The following DOCK4 variants were observed in gnomAD, a reference collection of about 807,000 sequenced individuals.
DOCK4 encodes the protein dedicator of cytokinesis 4.
A neutral mutation model predicts 268.1 loss-of-function variants in DOCK4; 97 were observed. The ratio of observed to expected loss-of-function variants is 0.36; its 90% CI spans 0.31 to 0.43. The LOEUF is 0.43. DOCK4 is among the 20% of genes least tolerant of loss of function. DOCK4 has a pLI of 1.00. For synonymous variants in DOCK4, 954 were observed against 887.2 expected (o/e 1.08, Z -1.34); for missense variants, 2,145 against 2,455.7 (o/e 0.87, Z 2.67).
chr7:111,736,957 G>A lies in DOCK4; in HGVS notation c.5265C>T (p.Ala1755=). The change falls in exon 50 of 53, where the codon GCC becomes GCT. Residue 1755 remains alanine (A), a synonymous_variant. Transcript: ENST00000428084. ...AGAGATTTGGGTCACTGCGTGGCAA[G>A]GCCCCGTCTCCAATATGATTAAACA... The part of the protein sequence containing the change: ...RMLFNHIGDG[A]LPRSDPNLSA... The A allele has an allele frequency of 6.2e-7, 1 of 1,605,278 alleles. No individual in the cohort carries two copies. Among genetic ancestry groups the A allele is most frequent in the Non-Finnish European group, 8.5e-7 (1 of 1,175,818 alleles).
At chr7:112,064,153 C>A (rs886971324) in intron 1 of DOCK4, among the ~76,000 whole-genome samples, 1 of 152,178 alleles carries the variant, frequency 6.6e-6, no homozygotes, top group South Asian at 2.1e-4. Context: ...ATGGCAGCAG[C>A]TTTGTGGATC....
At chr7:112,091,554 T>C (rs1026386260) in intron 1 of DOCK4, among the ~76,000 whole-genome samples, 3 of 152,110 alleles carry the variant, frequency 2.0e-5, no homozygotes, top group Non-Finnish European at 4.4e-5. Flanking sequence ...ACATTTCCAA[T>C]AGAGACCATA....
At chr7:111,791,070 T>TATATATATATATATA (rs1554593887) in intron 30 of DOCK4, among the ~76,000 whole-genome samples, 2 of 95,484 alleles carry the variant, frequency 2.1e-5, no homozygotes, top group African/African-American at 1.2e-4. Flanking sequence ...AAAAAAAAAA[T>TATATATATATATATA]TATATATATA....
rs1338617507 is a variant in DOCK4, at chr7:112,069,407, T to C, written c.38-65276A>G. Among the ~76,000 whole-genome samples, 3 of 152,314 alleles carry C rather than the reference T, an allele frequency of 2.0e-5. No individual in the cohort carries two copies. The East Asian group carries it at 5.8e-4, about 29-fold the overall frequency. On this transcript the variant is annotated intron_variant, in intron 1 of 52. Coordinates refer to ENST00000428084, the MANE Select transcript of DOCK4 (RefSeq NM_001363540.2). ...TAATGAGGTAAGTAGCATCATGTCA[T>C]TGTTACTAGATAGGACTCTACATTA...
intron 12 of DOCK4, among the ~76,000 whole-genome samples, chr7:111,921,881 T>C (rs1210002732): frequency 6.6e-6 from 1 of 152,218 alleles, no homozygotes; most frequent in African/African-American, 2.4e-5. Flanking sequence ...TAGTGTCATA[T>C]AGAAATAAAA....
intron 21 of DOCK4, among the ~76,000 whole-genome samples, chr7:111,869,241 G>T (rs1460617883): frequency 6.6e-6 from 1 of 152,108 alleles, no homozygotes; most frequent in Non-Finnish European, 1.5e-5. Flanking sequence ...GTTGGTGGAA[G>T]CAAGAGCCAG....
chr7:111,879,410 T>C (rs1807187308), intron 16 of DOCK4, among the ~76,000 whole-genome samples: 1 of 152,024 alleles, frequency 6.6e-6, no homozygotes, highest in Non-Finnish European at 1.5e-5. Context: ...ATGATTACAG[T>C]GAAAGACTCC....
chr7:112,057,756 C>T (rs1563041732), intron 1 of DOCK4, among the ~76,000 whole-genome samples: 1 of 151,686 alleles, frequency 6.6e-6, no homozygotes, highest in Non-Finnish European at 1.5e-5. Context: ...ACCTGGGCAA[C>T]AGAGCAAGAC....
At chr7:112,027,986 C>G (rs1395911757) in intron 1 of DOCK4, among the ~76,000 whole-genome samples, 1 of 152,158 alleles carries the variant, frequency 6.6e-6, no homozygotes, top group Non-Finnish European at 1.5e-5. Flanking sequence ...CAGGGCAGTA[C>G]ATAGAAGAGG....
intron 36 of DOCK4, 150 bp from the exon 37 acceptor site, chr7:111,769,827 T>C: frequency 1.1e-6 from 1 of 902,390 alleles, no homozygotes; most frequent in South Asian, 1.7e-5. Context: ...TATGCAGCAG[T>C]AGGGTAATGA....
At chr7:111,826,780 A>G (rs1802428813) in intron 26 of DOCK4, among the ~76,000 whole-genome samples, 2 of 152,186 alleles carry the variant, frequency 1.3e-5, no homozygotes, top group South Asian at 4.1e-4. Flanking sequence ...ATTGGGTACT[A>G]CATTCACTAT....
intron 1 of DOCK4, among the ~76,000 whole-genome samples, chr7:112,087,781 T>TAG (rs1809237969): frequency 6.6e-6 from 1 of 152,128 alleles, no homozygotes; most frequent in African/African-American, 2.4e-5. Context: ...TCCTGAGACC[T>TAG]AGACCATCAT....
intron 1 of DOCK4, among the ~76,000 whole-genome samples, chr7:112,105,813 C>G (rs1811098859): frequency 6.6e-6 from 1 of 151,734 alleles, no homozygotes. Context: ...CTCAGCCTCC[C>G]AGGTAGCTGG....
At position 111,736,237 on chromosome 7, in the gene DOCK4, C is replaced by T. The variant is rs144954653; in HGVS notation, c.5305+680G>A. ...CATTAACGACTCTTGATTTATTGGC[C>T]TGGGGAACTGCTCTTATTTTTGAGG... On this transcript the variant is annotated intron_variant, in intron 50 of 52. Transcript: ENST00000428084. Among the ~76,000 whole-genome samples the T allele has an allele frequency of 5.8e-3, 887 of 152,228 alleles. 5 individuals are homozygous for T. The highest frequency in any genetic ancestry group is 0.014 in the Middle Eastern group (4 of 294).
At chr7:112,059,503 C>T (rs1184396470) in intron 1 of DOCK4, among the ~76,000 whole-genome samples, 1 of 152,194 alleles carries the variant, frequency 6.6e-6, no homozygotes, top group Non-Finnish European at 1.5e-5. Context: ...TAGAAACGTA[C>T]TCTTTCACCT....
intron 1 of DOCK4, among the ~76,000 whole-genome samples, chr7:112,015,040 G>A (rs542505973): frequency 1.3e-5 from 2 of 152,314 alleles, no homozygotes; most frequent in East Asian, 1.9e-4. Context: ...ATTCCCAGGA[G>A]GTTGGGCATT....
intron 1 of DOCK4, among the ~76,000 whole-genome samples, chr7:112,201,679 G>A (rs1173789843): frequency 2.0e-5 from 3 of 152,100 alleles, no homozygotes; most frequent in African/African-American, 7.2e-5. Context: ...ATGGGGGGGT[G>A]TGCTAACAGA....
chr7:111,758,656 TGTGAAATG>T lies in DOCK4; in HGVS notation c.4289_4296del (p.Pro1430GlnfsTer6). 2 of 1,614,024 alleles carry T rather than the reference TGTGAAATG, an allele frequency of 1.2e-6. No individual in the cohort carries two copies. The highest frequency in any genetic ancestry group is 1.7e-6 in the Non-Finnish European group (2 of 1,179,886). ...TCATTCTCTTTATCTTTTGTGCCTT[TGTGAAATG>T]GTCGGTCATAGCGGAATTTCCAGAT... is the stretch of plus-strand genomic sequence containing the variant. On this transcript the variant is annotated frameshift_variant, in exon 41 of 53. Transcript: ENST00000428084. LOFTEE classifies it high-confidence loss of function.
At chr7:111,917,314 A>G (rs1456514802) in intron 12 of DOCK4, among the ~76,000 whole-genome samples, 1 of 151,996 alleles carries the variant, frequency 6.6e-6, no homozygotes, top group Non-Finnish European at 1.5e-5. Context: ...AAGGACAAAA[A>G]TATCTCCCAT....
Sources: gnomAD v4.1 joint callset for allele counts (sites outside exome capture counted in the v4.1 genomes callset) on GRCh38, gnomAD v4.1.1 for gene constraint, MANE v1.5 for transcripts, NCBI Gene and HGNC (gene_info 2026-07-23, HGNC 2026-07-21) for gene names.